The following PCDHGB2 variants were observed in gnomAD, a reference collection of about 807,000 sequenced individuals.
PCDHGB2 encodes protocadherin gamma-B2.
In PCDHGB2, 55 loss-of-function variants were observed where a neutral mutation model predicts 59.3. The observed-to-expected ratio is 0.93, with a 90% CI of 0.75 to 1.16. The LOEUF is 1.16. Ranked by LOEUF, PCDHGB2 falls within the 50% of genes most tolerant of loss-of-function variation. The pLI is 0.00. For synonymous variants in PCDHGB2, 516 were observed against 512.0 expected (o/e 1.01, Z -0.11); for missense variants, 1,228 against 1,198.5 (o/e 1.02, Z -0.36).
rs1235404407 is a variant in PCDHGB2, at chr5:141,361,002, A to T, written c.867A>T (p.Lys289Asn). 1 of 1,613,380 alleles carries T rather than the reference A, an allele frequency of 6.2e-7. No homozygotes were observed. The highest frequency in any genetic ancestry group is 1.3e-5 in the African/African-American group (1 of 74,936). Residue 289 changes from lysine to asparagine, a missense_variant, in exon 1 of 4, where the codon AAA becomes AAT. Physicochemically the swap from Lys to Asn is moderately conservative, Grantham distance 94. Transcript: ENST00000522605. ...TTCATAATGTGGACGAACAAGTGAA[A>T]CACTTTTTCAACTTAAATGAAAAAA... ...YSFHNVDEQV[K>N]HFFNLNEKTG...
intron 1 of PCDHGB2, among the ~76,000 whole-genome samples, chr5:141,470,624 A>G (rs1421700811): frequency 6.6e-6 from 1 of 152,220 alleles, no homozygotes; most frequent in Non-Finnish European, 1.5e-5. Flanking sequence ...TCATGCTTAG[A>G]TAGGCCCCCT....
chr5:141,371,081 G>A, intron 1 of PCDHGB2: 1 of 1,613,852 alleles, frequency 6.2e-7, no homozygotes, highest in Non-Finnish European at 8.5e-7. Context: ...CCCAGATCAG[G>A]GTAATTGTCG....
chr5:141,419,304 G>T, intron 1 of PCDHGB2: 1 of 1,613,994 alleles, frequency 6.2e-7, no homozygotes, highest in Non-Finnish European at 8.5e-7. Context: ...CCAGACTTCG[G>T]GCTCAACGGC....
At chr5:141,384,231 C>T in intron 1 of PCDHGB2, 2 of 1,613,928 alleles carry the variant, frequency 1.2e-6, no homozygotes, top group Non-Finnish European at 1.7e-6. Flanking sequence ...AGGTGGCAGA[C>T]ACCAACGATA....
Position 141,456,287 on chromosome 5 carries a change from C to A in PCDHGB2, c.2422-38520C>A, listed in dbSNP as rs951430060. On this transcript the variant is annotated intron_variant, in intron 1 of 3. Transcript: ENST00000522605. ...CTGGCTACTTCCTGCTGAAAAGGGGCGTCTAATGGAGAACAGCAGCTAGGG... is the reference window on the plus strand; with the variant it reads ...CTGGCTACTTCCTGCTGAAAAGGGGAGTCTAATGGAGAACAGCAGCTAGGG... Among the ~76,000 whole-genome samples, 11 of 152,166 alleles carry A rather than the reference C, an allele frequency of 7.2e-5. No individual in the cohort carries two copies. In the East Asian group the frequency reaches 1.9e-3, roughly 27 times the overall value.
chr5:141,491,353 T>A lies in PCDHGB2; in HGVS notation c.2422-3454T>A. On this transcript the variant is annotated intron_variant, in intron 1 of 3. Coordinates refer to ENST00000522605, the MANE Select transcript of PCDHGB2 (RefSeq NM_018923.3). This position sits in a 1 kb window ranked among gnomAD's most constrained non-coding sequence, Gnocchi z 6.9. ...GGCTCTAGCGACCGTCAGTCTCTTATCCCTAGTCACCTTCACCTTTCTGTC... is the reference window on the plus strand; with the variant it reads ...GGCTCTAGCGACCGTCAGTCTCTTAACCCTAGTCACCTTCACCTTTCTGTC... The A allele has an allele frequency of 6.2e-7, 1 of 1,614,160 alleles. No homozygotes were observed. Among genetic ancestry groups the A allele is most frequent in the South Asian group, 1.1e-5 (1 of 91,080 alleles).
chr5:141,415,759 T>TG (rs2095937522), intron 1 of PCDHGB2: 3 of 1,352,056 alleles, frequency 2.2e-6, no homozygotes, highest in Non-Finnish European at 2.9e-6. Flanking sequence ...TTTTTTTTTT[T>TG]TTTTTTTTTT....
chr5:141,434,964 T>C (rs2154556462), intron 1 of PCDHGB2, among the ~76,000 whole-genome samples: 1 of 152,004 alleles, frequency 6.6e-6, no homozygotes, highest in East Asian at 1.9e-4. Context: ...ATTTATAAAA[T>C]TACTTTGTTA....
At chr5:141,453,481 TA>T (rs1178324090) in intron 1 of PCDHGB2, among the ~76,000 whole-genome samples, 1 of 151,928 alleles carries the variant, frequency 6.6e-6, no homozygotes, top group Non-Finnish European at 1.5e-5. Context: ...TCAAAACTAT[TA>T]AAAAAAGGTG....
At position 141,486,783 on chromosome 5, in the gene PCDHGB2, C is replaced by A. The variant is rs905423670; in HGVS notation, c.2422-8024C>A. ...CAGACACTGCAGTTTGAGGTGCAGG[C>A]CCGGGATCGGGGCAACCCACCCCTT... On this transcript the variant is annotated intron_variant, in intron 1 of 3. Transcript: ENST00000522605. The surrounding 1 kb of genome is among the most constrained non-coding windows in gnomAD (Gnocchi z 5.0). 6.2e-7 allele frequency: 1 copy of A among 1,614,102 alleles called. No homozygotes were observed.
intron 1 of PCDHGB2, chr5:141,441,038 G>A (rs1263659082): frequency 6.6e-6 from 1 of 152,156 alleles, no homozygotes; most frequent in African/African-American, 2.4e-5. Context: ...AAAACTTTAA[G>A]TACATTGGAC....
At chr5:141,434,533 C>T (rs6862159) in intron 1 of PCDHGB2, among the ~76,000 whole-genome samples, 18,539 of 152,264 alleles carry the variant, frequency 0.12, 1,259 homozygotes, top group Non-Finnish European at 0.16. Flanking sequence ...AAACCACAAA[C>T]AATAGCATGA....
Position 141,487,544 on chromosome 5 carries a change from C to A in PCDHGB2, c.2422-7263C>A. 1 of 1,614,190 alleles carries A rather than the reference C, an allele frequency of 6.2e-7. No homozygotes were observed. The highest frequency in any genetic ancestry group is 1.1e-5 in the South Asian group (1 of 91,088). On this transcript the variant is annotated intron_variant, in intron 1 of 3. Transcript: ENST00000522605. This position sits in a 1 kb window ranked among gnomAD's most constrained non-coding sequence, Gnocchi z 5.0. ...TGATAGCTTCATGATGGTGAAGTCA[C>A]CCAGTGCACCTATGGCAGGGGAGCC... is the stretch of plus-strand genomic sequence containing the variant.
rs980109158 is a variant in PCDHGB2 at position 141,375,279 on chromosome 5, G to A, written c.2421+12723G>A. On this transcript the variant is annotated intron_variant, in intron 1 of 3. Transcript: ENST00000522605. ...CCATTTGAATTGGAAAAATCAGTTG[G>A]CAATTATTATCGATTAGTGACAAAT... is the stretch of plus-strand genomic sequence containing the variant. 18 of 1,613,688 alleles carry A rather than the reference G, an allele frequency of 1.1e-5. No individual in the cohort carries two copies. The highest frequency in any genetic ancestry group is 4.2e-6 in the Non-Finnish European group (5 of 1,179,904).
intron 1 of PCDHGB2, among the ~76,000 whole-genome samples, chr5:141,439,270 A>G (rs1381185021): frequency 6.6e-6 from 1 of 152,140 alleles, no homozygotes; most frequent in African/African-American, 2.4e-5. Flanking sequence ...CCAACAGTTC[A>G]TTCTGAGACT....
At chr5:141,400,087 G>A (rs751908680) in intron 1 of PCDHGB2, 3 of 1,614,042 alleles carry the variant, frequency 1.9e-6, no homozygotes, top group Non-Finnish European at 2.5e-6. Flanking sequence ...CTCCGCCACC[G>A]CCACGCTGCA....
chr5:141,408,442 G>A lies in PCDHGB2; in HGVS notation c.2421+45886G>A, dbSNP rs774397781. On this transcript the variant is annotated intron_variant, in intron 1 of 3. Transcript: ENST00000522605. ...AGCTGCACTTCAGCGTAGACGCGGA[G>A]AGCGGGGACTTACTTGTGAAGAACC... is the stretch of plus-strand genomic sequence containing the variant. 8.7e-6 allele frequency: 14 copies of A among 1,614,080 alleles called. 1 individual carries two copies. The South Asian group carries it at 1.5e-4, about 18-fold the overall frequency.
intron 1 of PCDHGB2, among the ~76,000 whole-genome samples, chr5:141,454,796 A>ATTTTTTTTTTT (rs61612330): frequency 0.014 from 1,093 of 77,476 alleles, 165 homozygotes; most frequent in African/African-American, 0.018. Flanking sequence ...CATGGTTCTA[A>ATTTTTTTTTTT]TTTTTTTTTT....
chr5:141,403,789 C>T (rs1230029917), intron 1 of PCDHGB2: 1 of 1,613,864 alleles, frequency 6.2e-7, no homozygotes, highest in East Asian at 2.2e-5. Flanking sequence ...AAGTGGCATA[C>T]AAATTCTGGA....
Sources: allele counts gnomAD v4.1 joint callset (sites outside exome capture counted in the v4.1 genomes callset), GRCh38; gene constraint gnomAD v4.1.1; non-coding constraint Gnocchi (gnomAD v3.1); transcripts MANE v1.5; gene names NCBI Gene and HGNC (gene_info 2026-07-23, HGNC 2026-07-21).